The following FAT3 variants were observed in gnomAD, a reference collection of about 807,000 sequenced individuals.
FAT3 encodes the protein FAT atypical cadherin 3.
A neutral mutation model predicts 310.2 loss-of-function variants in FAT3; 95 were observed. That is an observed-to-expected ratio of 0.31 (90% CI 0.26 to 0.36). The LOEUF is 0.36. Among genes scored for constraint, FAT3 ranks in the 10% least tolerant of loss-of-function variants. FAT3 has a pLI of 1.00. For synonymous variants in FAT3, 2,314 were observed against 2,192.9 expected (o/e 1.06, Z -1.54); for missense variants, 5,408 against 5,715.6 (o/e 0.95, Z 1.74).
intron 2 of FAT3, among the ~76,000 whole-genome samples, chr11:92,499,713 A>ATG (rs1236694038): frequency 8.4e-6 from 1 of 119,408 alleles, no homozygotes; most frequent in African/African-American, 3.3e-5. Flanking sequence ...GTGTGTGTGT[A>ATG]TGTGTGTGTA....
chr11:92,854,881 A>G (rs1365353776), intron 19 of FAT3, among the ~76,000 whole-genome samples: 1 of 152,350 alleles, frequency 6.6e-6, no homozygotes, highest in East Asian at 1.9e-4. Context: ...AGAGGTTTAG[A>G]CTTAGACTGG....
chr11:92,306,457 C>G (rs1440033262), intron 1 of FAT3, among the ~76,000 whole-genome samples: 4 of 136,682 alleles, frequency 2.9e-5, no homozygotes, highest in Non-Finnish European at 6.1e-5. Context: ...CCAAGGCTCT[C>G]CACTTTATAT....
chr11:92,481,155 T>C (rs375552812), intron 2 of FAT3, among the ~76,000 whole-genome samples: 1 of 152,226 alleles, frequency 6.6e-6, no homozygotes, highest in East Asian at 1.9e-4. Flanking sequence ...TGAGTATGCA[T>C]TGCAAGGAAA....
In FAT3 at chr11:92,895,912, A is replaced by C. The variant is rs948025364; in HGVS notation, c.*4799A>C. 3 of 131,932 alleles carry C rather than the reference A, an allele frequency of 2.3e-5. No homozygotes were observed. The highest frequency in any genetic ancestry group is 9.7e-5 in the African/African-American group (3 of 31,008). The allele number at this position is 131,932 out of a possible 1,614,324, so 8.2% of individuals were successfully genotyped here. Reference sequence around the variant, plus strand: ...CACGCTGTTGGTCTGCAAACTTTTGAGGTAACTACACACACACACACACAC... The same window carrying C: ...CACGCTGTTGGTCTGCAAACTTTTGCGGTAACTACACACACACACACACAC... On this transcript the variant is annotated 3_prime_UTR_variant, in exon 28 of 28. Coordinates refer to ENST00000525166, the MANE Select transcript of FAT3 (RefSeq NM_001367949.2).
chr11:92,367,464 A>T (rs1009742639), intron 2 of FAT3, among the ~76,000 whole-genome samples: 1 of 152,000 alleles, frequency 6.6e-6, no homozygotes, highest in African/African-American at 2.4e-5. Flanking sequence ...AATAAATAAA[A>T]TAAATAAATA....
At chr11:92,233,165 G>C (rs370447944) in intron 1 of FAT3, among the ~76,000 whole-genome samples, 1 of 152,124 alleles carries the variant, frequency 6.6e-6, no homozygotes, top group Non-Finnish European at 1.5e-5. Flanking sequence ...GGAGAAACAT[G>C]GTTCAGTTAG....
At chr11:92,434,941 G>A (rs942605436) in intron 2 of FAT3, among the ~76,000 whole-genome samples, 5 of 152,204 alleles carry the variant, frequency 3.3e-5, no homozygotes, top group African/African-American at 7.2e-5. Context: ...ATGGAACCAC[G>A]TTCAGCTGGC....
intron 2 of FAT3, among the ~76,000 whole-genome samples, chr11:92,499,687 A>C (rs1952872144): frequency 6.8e-6 from 1 of 147,124 alleles, no homozygotes; most frequent in African/African-American, 2.7e-5. Context: ...ATCTATGTGA[A>C]CAAAGTCTTG....
At chr11:92,599,968 GA>G in intron 3 of FAT3, among the ~76,000 whole-genome samples, 2 of 152,338 alleles carry the variant, frequency 1.3e-5, no homozygotes, top group Non-Finnish European at 2.9e-5. Context: ...GTGCTGTAAT[GA>G]AGTGTCTTTT....
At chr11:92,863,725 AGG>A (rs1469085576) in intron 21 of FAT3, among the ~76,000 whole-genome samples, 1 of 152,252 alleles carries the variant, frequency 6.6e-6, no homozygotes, top group Non-Finnish European at 1.5e-5. Context: ...ACTTAAAACT[AGG>A]TGAACCCAAC....
chr11:92,775,678 T>C (rs545751153), intron 7 of FAT3, among the ~76,000 whole-genome samples: 1 of 152,182 alleles, frequency 6.6e-6, no homozygotes, highest in Non-Finnish European at 1.5e-5. Context: ...TATTGTTCAT[T>C]GATCAGCAAA....
At chr11:92,266,433 A>T (rs1945953746) in intron 1 of FAT3, among the ~76,000 whole-genome samples, 2 of 152,190 alleles carry the variant, frequency 1.3e-5, no homozygotes, top group Non-Finnish European at 2.9e-5. Context: ...AGGCATATTG[A>T]GCTGTGTGGC....
chr11:92,228,760 T>C (rs951526502), intron 1 of FAT3, among the ~76,000 whole-genome samples: 1 of 152,272 alleles, frequency 6.6e-6, no homozygotes, highest in African/African-American at 2.4e-5. Flanking sequence ...ATGGCATTCC[T>C]TCATAGCCCA....
intron 3 of FAT3, among the ~76,000 whole-genome samples, chr11:92,619,295 A>C (rs904609504): frequency 6.6e-6 from 1 of 152,152 alleles, no homozygotes; most frequent in Non-Finnish European, 1.5e-5. Flanking sequence ...ACTTTTGCAT[A>C]TATATTCATA....
At chr11:92,520,986 A>G (rs962566597) in intron 2 of FAT3, among the ~76,000 whole-genome samples, 26 of 152,142 alleles carry the variant, frequency 1.7e-4, no homozygotes, top group African/African-American at 6.3e-4. Context: ...TGTATTAGTG[A>G]AGGCATTTCA....
intron 2 of FAT3, among the ~76,000 whole-genome samples, chr11:92,445,280 A>G (rs1951183118): frequency 6.6e-6 from 1 of 152,144 alleles, no homozygotes; most frequent in South Asian, 2.1e-4. Flanking sequence ...TCACTTTAGA[A>G]TTTTTTTCAA....
At chr11:92,406,072 G>A (rs561038950) in intron 2 of FAT3, among the ~76,000 whole-genome samples, 18 of 151,862 alleles carry the variant, frequency 1.2e-4, no homozygotes, top group Non-Finnish European at 2.1e-4. Context: ...TCATTCCTTG[G>A]TTCATAAGTA....
chr11:92,583,488 T>C (rs766903967), intron 3 of FAT3, among the ~76,000 whole-genome samples: 1 of 152,068 alleles, frequency 6.6e-6, no homozygotes, highest in African/African-American at 2.4e-5. Flanking sequence ...ATTCCTGACA[T>C]AATCTGTCTC....
At chr11:92,400,658 GAC>G (rs1395185901) in intron 2 of FAT3, 9 of 151,928 alleles carry the variant, frequency 5.9e-5, no homozygotes, top group African/African-American at 1.9e-4. Flanking sequence ...CAAAGAAACA[GAC>G]ACTTGGACAT....
Sources: gnomAD v4.1 joint callset for allele counts (sites outside exome capture counted in the v4.1 genomes callset) on GRCh38, gnomAD v4.1.1 for gene constraint, MANE v1.5 for transcripts, NCBI Gene and HGNC (gene_info 2026-07-23, HGNC 2026-07-21) for gene names.